Variants in NAA11 observed in about 807,000 individuals in gnomAD.
NAA11 encodes N-alpha-acetyltransferase 11.
NAA11 carries 15 observed loss-of-function variants against 16.1 expected under a neutral mutation model. The observed-to-expected ratio is 0.93, with a 90% confidence interval of 0.62 to 1.44. The LOEUF (loss-of-function observed/expected upper bound fraction) is 1.44, where lower values mean the gene tolerates loss of function less well. NAA11 is among the 40% of genes most tolerant of loss of function. The pLI, the probability that NAA11 is intolerant of heterozygous loss-of-function variation, is 0.00. For missense variants in NAA11, 298 were observed against 291.3 expected (o/e 1.02, Z -0.17); for synonymous variants, 122 against 112.4 (o/e 1.09, Z -0.54).
chr4:79,180,488 A>G, the NAA11 span, among the ~76,000 whole-genome samples: 8 of 152,356 alleles, frequency 5.3e-5, no homozygotes, highest in East Asian at 1.2e-3. Context: ...AATGCTCATC[A>G]TCACTGGCCA....
At chr4:79,285,069 A>G (rs910326811) in intron 2 of NAA11, among the ~76,000 whole-genome samples, 1 of 152,102 alleles carries the variant, frequency 6.6e-6, no homozygotes, top group Admixed American at 6.6e-5. Flanking sequence ...AGCATTGGAC[A>G]GAACCAGTAG....
At chr4:79,250,076 G>A (rs138404786) in intron 2 of NAA11, among the ~76,000 whole-genome samples, 3 of 152,366 alleles carry the variant, frequency 2.0e-5, no homozygotes, top group African/African-American at 7.2e-5. Flanking sequence ...TTGAGTGATT[G>A]TGTGACCCCG....
At chr4:79,256,651 A>ATATATAAATATATATATATAT (rs1722113513) in intron 2 of NAA11, among the ~76,000 whole-genome samples, 1 of 130,768 alleles carries the variant, frequency 7.6e-6, no homozygotes, top group African/African-American at 3.1e-5. Context: ...TATAAATATA[A>ATATATAAATATATATATATAT]ATATATATAT....
intron 1 of NAA11, among the ~76,000 whole-genome samples, chr4:79,300,575 T>C (rs1011140263): frequency 7.2e-5 from 11 of 152,344 alleles, no homozygotes; most frequent in Non-Finnish European, 1.3e-4. Context: ...AAGCATTTCT[T>C]CTATCCTTAA....
At chr4:79,174,696 C>T in the NAA11 span, among the ~76,000 whole-genome samples, 1 of 152,124 alleles carries the variant, frequency 6.6e-6, no homozygotes, top group Non-Finnish European at 1.5e-5. Flanking sequence ...TCAAGATGTA[C>T]ATTAACAAGG....
At position 79,228,565 on chromosome 4, in the gene NAA11, GT is replaced by G. The variant is rs1721378628; in HGVS notation, c.*123-2296del. Among the ~76,000 whole-genome samples the G allele has an allele frequency of 3.1e-5, 4 of 128,830 alleles. No homozygotes were observed. In the South Asian group the frequency reaches 1.3e-3, roughly 40 times the overall value. 84.5% of individuals were successfully genotyped at this position (128,830 alleles called of 152,430 possible). ...AATGGAACATAAATTGAATTATATT[GT>G]ATGTAGCTTTTTGTGTCTGGATTGT... On this transcript the variant is annotated intron_variant and NMD_transcript_variant, in intron 2 of 2. Coordinates refer to the NAA11 transcript ENST00000511542.
the NAA11 span, among the ~76,000 whole-genome samples, chr4:79,198,635 T>C: frequency 6.6e-6 from 1 of 151,912 alleles, no homozygotes; most frequent in African/African-American, 2.4e-5. Flanking sequence ...GTAGAATCCT[T>C]TCCTTCTAGA....
At chr4:79,268,185 A>T (rs1722393660) in intron 2 of NAA11, among the ~76,000 whole-genome samples, 1 of 152,178 alleles carries the variant, frequency 6.6e-6, no homozygotes, top group Non-Finnish European at 1.5e-5. Context: ...ATCTGTAATT[A>T]TTTCAAAATA....
chr4:79,286,089 C>G (rs1384073748), intron 2 of NAA11, among the ~76,000 whole-genome samples: 1 of 152,018 alleles, frequency 6.6e-6, no homozygotes, highest in Non-Finnish European at 1.5e-5. Flanking sequence ...TGATTTTACT[C>G]TGAAATTTTA....
chr4:79,175,972 C>T, the NAA11 span, among the ~76,000 whole-genome samples: 1 of 152,116 alleles, frequency 6.6e-6, no homozygotes, highest in Non-Finnish European at 1.5e-5. Flanking sequence ...AATGCAATAA[C>T]TAGAAGGAAA....
intron 1 of NAA11, among the ~76,000 whole-genome samples, chr4:79,311,209 T>C (rs186308239): frequency 6.6e-6 from 1 of 152,302 alleles, no homozygotes; most frequent in Non-Finnish European, 1.5e-5. Flanking sequence ...TTAATAAGAA[T>C]TGTACTGGCA....
chr4:79,237,528 A>G (rs1444170184), intron 2 of NAA11, among the ~76,000 whole-genome samples: 1 of 152,228 alleles, frequency 6.6e-6, no homozygotes, highest in Non-Finnish European at 1.5e-5. Context: ...ACCCATTTTA[A>G]GTATAGAATT....
chr4:79,304,480 A>G (rs567737879), intron 1 of NAA11, among the ~76,000 whole-genome samples: 9 of 152,340 alleles, frequency 5.9e-5, no homozygotes, highest in Admixed American at 5.2e-4. Context: ...TAATTCATAT[A>G]AAGACATTTT....
At chr4:79,200,159 G>C in the NAA11 span, among the ~76,000 whole-genome samples, 2 of 151,846 alleles carry the variant, frequency 1.3e-5, no homozygotes, top group Non-Finnish European at 2.9e-5. Context: ...TACTAGTTGT[G>C]TGACCTGGGA....
chr4:79,189,145 CAAAAAA>C, the NAA11 span, among the ~76,000 whole-genome samples: 1 of 42,282 alleles, frequency 2.4e-5, no homozygotes, highest in African/African-American at 6.7e-5. Context: ...GACTCCATCT[CAAAAAA>C]AAAAAAAAAA....
At chr4:79,155,703 A>G in the NAA11 span, among the ~76,000 whole-genome samples, 2 of 152,226 alleles carry the variant, frequency 1.3e-5, no homozygotes, top group African/African-American at 4.8e-5. Flanking sequence ...ATAGTCAGTT[A>G]CAGAATAACA....
At chr4:79,281,493 ACT>A (rs1722785351) in intron 2 of NAA11, among the ~76,000 whole-genome samples, 1 of 152,066 alleles carries the variant, frequency 6.6e-6, no homozygotes, top group Admixed American at 6.6e-5. Context: ...AATATCATGC[ACT>A]GTTATATCTA....
At chr4:79,284,457 G>A (rs1722863962) in intron 2 of NAA11, among the ~76,000 whole-genome samples, 1 of 152,046 alleles carries the variant, frequency 6.6e-6, no homozygotes, top group Non-Finnish European at 1.5e-5. Context: ...AATCAAGTTT[G>A]ATTCAAGAGT....
chr4:79,194,393 A>G, the NAA11 span, among the ~76,000 whole-genome samples: 44 of 152,098 alleles, frequency 2.9e-4, no homozygotes, highest in African/African-American at 1.0e-3. Context: ...TAAGTACAAC[A>G]TAGTGTGTTG....
Sources: allele counts gnomAD v4.1 joint callset (sites outside exome capture counted in the v4.1 genomes callset), GRCh38; gene constraint gnomAD v4.1.1; transcripts MANE v1.5; gene names NCBI Gene and HGNC (gene_info 2026-07-23, HGNC 2026-07-21).